The following ADGRB3 variants were observed in gnomAD, a reference collection of about 807,000 sequenced individuals.
ADGRB3 encodes the protein adhesion G protein-coupled receptor B3, also known as brain-specific angiogenesis inhibitor 3.
ADGRB3 carries 37 observed loss-of-function variants against 193.4 expected under a neutral mutation model. That is an observed-to-expected ratio of 0.19 (90% CI 0.15 to 0.25). ADGRB3 has a LOEUF of 0.25. ADGRB3 is among the 10% of genes least tolerant of loss of function. The probability of loss-of-function intolerance (pLI) is 1.00; values close to 1 mark genes in which losing one functional copy is unlikely to be tolerated. For synonymous variants in ADGRB3, 690 were observed against 644.2 expected (o/e 1.07, Z -1.08); for missense variants, 1,637 against 1,852.9 (o/e 0.88, Z 2.14).
intron 20 of ADGRB3, among the ~76,000 whole-genome samples, chr6:69,291,915 T>C (rs923485329): frequency 6.6e-6 from 1 of 152,180 alleles, no homozygotes; most frequent in East Asian, 1.9e-4. Flanking sequence ...AAGACCCTCA[T>C]GTGAGAGGTG....
rs1400626384 is a variant in ADGRB3 at position 68,772,890 on chromosome 6, AAAAAATATATATATAT to A, written c.757+133460_757+133475del. ...ACAAACAAACAAACAAACAAAAAAA[AAAAAATATATATATAT>A]ATATATATATATATATATATATATA... On this transcript the variant is annotated intron_variant, in intron 3 of 31. Coordinates refer to ENST00000370598, the MANE Select transcript of ADGRB3 (RefSeq NM_001704.3). Among the ~76,000 whole-genome samples the A allele has an allele frequency of 9.1e-3, 421 of 46,096 alleles. 12 individuals carry two copies. The highest frequency in any genetic ancestry group is 0.029 in the African/African-American group (250 of 8,638). 30.2% of individuals were successfully genotyped at this position (46,096 alleles called of 152,430 possible).
intron 30 of ADGRB3, among the ~76,000 whole-genome samples, chr6:69,376,785 G>A (rs978232487): frequency 3.3e-5 from 5 of 151,936 alleles, no homozygotes; most frequent in Non-Finnish European, 7.4e-5. Context: ...AGGCAATCTG[G>A]GTACTTTTAG....
At chr6:68,880,736 GA>G (rs1452617548) in intron 3 of ADGRB3, among the ~76,000 whole-genome samples, 4 of 151,258 alleles carry the variant, frequency 2.6e-5, no homozygotes, top group African/African-American at 9.7e-5. Context: ...GCATCTCCAG[GA>G]AAAAAGCCAA....
chr6:68,763,655 A>G (rs1766455636), intron 3 of ADGRB3, among the ~76,000 whole-genome samples: 1 of 152,214 alleles, frequency 6.6e-6, no homozygotes, highest in South Asian at 2.1e-4. Flanking sequence ...CTGAATTTAA[A>G]GGTAATGCAT....
chr6:69,051,839 A>G (rs551271104), intron 15 of ADGRB3, among the ~76,000 whole-genome samples: 1 of 152,326 alleles, frequency 6.6e-6, no homozygotes, highest in East Asian at 1.9e-4. Context: ...TTCCCCTGCT[A>G]TCGCAACTCT....
intron 30 of ADGRB3, among the ~76,000 whole-genome samples, chr6:69,376,172 C>A (rs901350240): frequency 1.5e-5 from 2 of 134,548 alleles, no homozygotes; most frequent in African/African-American, 5.5e-5. Context: ...CTCATTGCAA[C>A]CTCTACCTCC....
chr6:68,974,545 A>G (rs767452503), intron 8 of ADGRB3, among the ~76,000 whole-genome samples: 4 of 152,090 alleles, frequency 2.6e-5, no homozygotes, highest in Non-Finnish European at 5.9e-5. Context: ...AGGAGGGAGG[A>G]TGGCTTGAGC....
At chr6:69,232,333 C>T (rs1265219783) in intron 17 of ADGRB3, 2 of 1,209,684 alleles carry the variant, frequency 1.7e-6, no homozygotes, top group South Asian at 4.1e-5. Context: ...AGGGTTCTCC[C>T]CCATCCCCCC....
chr6:69,161,855 T>C (rs751564799), intron 17 of ADGRB3, among the ~76,000 whole-genome samples: 19 of 152,178 alleles, frequency 1.2e-4, no homozygotes, highest in South Asian at 6.2e-4. Flanking sequence ...AGCTTCTCCA[T>C]AGAGCAACTC....
At chr6:69,276,820 C>T (rs533636234) in intron 20 of ADGRB3, among the ~76,000 whole-genome samples, 14 of 151,908 alleles carry the variant, frequency 9.2e-5, no homozygotes, top group Non-Finnish European at 2.1e-4. Flanking sequence ...TTTGAGGTGA[C>T]GGATATGGAT....
chr6:68,801,091 T>A (rs545676898), intron 3 of ADGRB3, among the ~76,000 whole-genome samples: 1 of 152,366 alleles, frequency 6.6e-6, no homozygotes, highest in African/African-American at 2.4e-5. Flanking sequence ...TTAATTAATA[T>A]GTACAGCATT....
intron 8 of ADGRB3, among the ~76,000 whole-genome samples, chr6:68,969,274 A>G (rs1768486003): frequency 6.6e-6 from 1 of 152,228 alleles, no homozygotes; most frequent in Admixed American, 6.5e-5. Context: ...AGAATACATC[A>G]TTTAAGCAGC....
intron 3 of ADGRB3, among the ~76,000 whole-genome samples, chr6:68,825,652 A>T (rs1015263278): frequency 3.9e-5 from 6 of 152,128 alleles, no homozygotes; most frequent in African/African-American, 1.4e-4. Context: ...TAGTTGAATC[A>T]TGGGGGTGGT....
intron 10 of ADGRB3, among the ~76,000 whole-genome samples, chr6:68,987,526 A>G (rs925567237): frequency 6.6e-6 from 1 of 152,164 alleles, no homozygotes; most frequent in African/African-American, 2.4e-5. Flanking sequence ...CAGATTAAAC[A>G]TACGAACACA....
intron 3 of ADGRB3, among the ~76,000 whole-genome samples, chr6:68,900,976 T>G (rs187642547): frequency 6.6e-6 from 1 of 152,266 alleles, no homozygotes; most frequent in East Asian, 1.9e-4. Context: ...TCCCAGGAAA[T>G]AAAACATGCT....
chr6:68,928,256 T>G (rs1193150725), intron 3 of ADGRB3, among the ~76,000 whole-genome samples: 2 of 152,198 alleles, frequency 1.3e-5, no homozygotes, highest in Non-Finnish European at 2.9e-5. Flanking sequence ...CTGGCCATGG[T>G]GGCTCCTACC....
In ADGRB3 at chr6:69,025,049, G is replaced by A. The variant is rs375074657; in HGVS notation, c.2107+6550G>A. On this transcript the variant is annotated intron_variant, in intron 13 of 31. Transcript: ENST00000370598. ...TGAGCTTGCAGTGAGCCGAGATCGC[G>A]CCACTGCACTCCAGCCTGGGCGACA... Among the ~76,000 whole-genome samples the A allele has an allele frequency of 6.9e-4, 104 of 150,576 alleles. 1 individual carries two copies. Among genetic ancestry groups the A allele is most frequent in the South Asian group, 6.5e-3 (31 of 4,790 alleles).
chr6:68,969,662 C>A (rs574458681), intron 8 of ADGRB3, among the ~76,000 whole-genome samples: 2 of 152,180 alleles, frequency 1.3e-5, no homozygotes, highest in Non-Finnish European at 2.9e-5. Context: ...AGCTCCTCAA[C>A]TCAGAAAGCA....
At chr6:68,677,521 C>CTTTTTTTTTTTTTTTTTT (rs1002070733) in intron 3 of ADGRB3, among the ~76,000 whole-genome samples, 165 of 120,258 alleles carry the variant, frequency 1.4e-3, no homozygotes, top group Middle Eastern at 4.9e-3. Flanking sequence ...TTCTTTTTTT[C>CTTTTTTTTTTTTTTTTTT]TTTTTTTTTT....
Sources: gnomAD v4.1 joint callset for allele counts (sites outside exome capture counted in the v4.1 genomes callset) on GRCh38, gnomAD v4.1.1 for gene constraint, MANE v1.5 for transcripts, NCBI Gene and HGNC (gene_info 2026-07-23, HGNC 2026-07-21) for gene names.